DSE: variants seen among roughly 807,000 people sequenced by gnomAD.
The protein encoded by DSE is dermatan-sulfate epimerase.
A neutral mutation model predicts 84.4 loss-of-function variants in DSE; 36 were observed. The ratio of observed to expected loss-of-function variants is 0.43; its 90% CI spans 0.33 to 0.56. The LOEUF is 0.56. Among genes scored for constraint, DSE ranks in the 20% least tolerant of loss-of-function variants. The probability of loss-of-function intolerance (pLI) is 0.06; values close to 1 mark genes in which losing one functional copy is unlikely to be tolerated. For missense variants in DSE, 862 were observed against 1,169.6 expected (o/e 0.74, Z 3.84); for synonymous variants, 410 against 430.1 (o/e 0.95, Z 0.58).
chr6:116,401,818 G>C (rs1458533255), intron 2 of DSE, among the ~76,000 whole-genome samples: 3 of 151,722 alleles, frequency 2.0e-5, no homozygotes, highest in Admixed American at 1.3e-4. Flanking sequence ...AATGAGTATT[G>C]TCATTGACTT....
chr6:116,314,846 G>GT (rs1775875660), intron 2 of DSE, among the ~76,000 whole-genome samples: 1 of 152,168 alleles, frequency 6.6e-6, no homozygotes, highest in Non-Finnish European at 1.5e-5. Flanking sequence ...AGCAAAGTGA[G>GT]TTTCTTTAGC....
chr6:116,396,770 G>T (rs1391655455), intron 1 of DSE, among the ~76,000 whole-genome samples: 1 of 152,204 alleles, frequency 6.6e-6, no homozygotes, highest in Non-Finnish European at 1.5e-5. Flanking sequence ...AGTTAGGCAT[G>T]TAGGCCCCAC....
chr6:116,442,892 G>A lies in DSE; in HGVS notation c.*5547G>A, dbSNP rs1784471213. 1 of 151,334 alleles carries A rather than the reference G, an allele frequency of 6.6e-6. No individual in the cohort carries two copies. Among genetic ancestry groups the A allele is most frequent in the Non-Finnish European group, 1.5e-5 (1 of 67,912 alleles). 9.4% of individuals were successfully genotyped at this position (151,334 alleles called of 1,614,324 possible). A position where few individuals can be genotyped will look rare whatever the true frequency, so the allele number is the denominator to read the frequency against. On this transcript the variant is annotated 3_prime_UTR_variant, in exon 6 of 6. Coordinates refer to ENST00000644252, the MANE Select transcript of DSE (RefSeq NM_013352.4). ...TGATGCCACATATACCTGTGTGTAT[G>A]TGAAACTTTGAAAAATCCCTGAGAT...
intron 2 of DSE, among the ~76,000 whole-genome samples, chr6:116,264,786 T>C (rs1480343085): frequency 6.6e-6 from 1 of 152,182 alleles, no homozygotes; most frequent in African/African-American, 2.4e-5. Flanking sequence ...TGAGCATTTG[T>C]GGTGTAAGGT....
intron 2 of DSE, among the ~76,000 whole-genome samples, chr6:116,364,993 C>T (rs916455685): frequency 1.3e-5 from 2 of 151,790 alleles, no homozygotes; most frequent in South Asian, 2.1e-4. Context: ...CCACCATGCC[C>T]GGCTAATTTT....
intron 2 of DSE, among the ~76,000 whole-genome samples, chr6:116,407,700 T>C (rs998766793): frequency 1.3e-5 from 2 of 152,196 alleles, no homozygotes; most frequent in Admixed American, 6.5e-5. Context: ...ACGAATGCAT[T>C]TTGCTATTGG....
intron 2 of DSE, among the ~76,000 whole-genome samples, chr6:116,294,677 T>C (rs1018750766): frequency 1.1e-4 from 17 of 152,134 alleles, no homozygotes; most frequent in African/African-American, 4.1e-4. Flanking sequence ...TGCAAGTGGG[T>C]ACCTGAATCA....
At position 116,396,216 on chromosome 6, in the gene DSE, A is replaced by T. The variant is rs141590063; in HGVS notation, c.-53-2982A>T. 4.5e-3 allele frequency among the ~76,000 whole-genome samples: 679 copies of T among 152,316 alleles called. 21 individuals carry two copies. Among genetic ancestry groups the T allele is most frequent in the South Asian group, 0.042 (205 of 4,828 alleles). ...GATTCAGTGCTAAGCTCCATGATAC[A>T]TAGAGGAAGAAGGTTCTCACCTTCT... On this transcript the variant is annotated intron_variant, in intron 1 of 5. Coordinates refer to ENST00000644252, the MANE Select transcript of DSE (RefSeq NM_013352.4).
Position 116,300,247 on chromosome 6 carries a change from G to T in DSE, c.-54+41280G>T, listed in dbSNP as rs183005566. 2.6e-5 allele frequency among the ~76,000 whole-genome samples: 4 copies of T among 152,296 alleles called. No homozygotes were observed. In the East Asian group the frequency reaches 7.7e-4, roughly 29 times the overall value. On this transcript the variant is annotated intron_variant, in intron 2 of 3. Transcript: ENST00000430252. ...GAATAATAGGAACTAACAGAGTCATGTCCGAATAGTAAGTTTCAAATAGTA... is the reference window on the plus strand; with the variant it reads ...GAATAATAGGAACTAACAGAGTCATTTCCGAATAGTAAGTTTCAAATAGTA...
intron 2 of DSE, among the ~76,000 whole-genome samples, chr6:116,334,716 G>T (rs1335718214): frequency 6.6e-6 from 1 of 151,854 alleles, no homozygotes; most frequent in Non-Finnish European, 1.5e-5. Flanking sequence ...CAAGAAAAAA[G>T]AAACCATTAA....
intron 1 of DSE, among the ~76,000 whole-genome samples, chr6:116,373,086 G>C (rs1452843499): frequency 1.3e-5 from 2 of 151,828 alleles, no homozygotes; most frequent in Non-Finnish European, 2.9e-5. Flanking sequence ...TGGGTGCGGT[G>C]GCTCACGCCT....
rs573467261 is a variant in DSE, at chr6:116,436,931, T to G, written c.2463T>G (p.Ala821=). The change falls in exon 6 of 6, where the codon GCT becomes GCG. Residue 821 remains alanine (A), a synonymous_variant. Transcript: ENST00000644252. ...RAGKRYKFVD[A]VPDIFAQIEV... ...GCAAACGCTATAAATTTGTGGATGC[T>G]GTCCCTGATATTTTTGCACAGATTG... 2.0e-5 allele frequency: 32 copies of G among 1,614,118 alleles called. No individual in the cohort carries two copies. The South Asian group carries it at 3.1e-4, about 16-fold the overall frequency.
At chr6:116,352,242 C>T (rs562562433) in intron 2 of DSE, among the ~76,000 whole-genome samples, 1 of 152,278 alleles carries the variant, frequency 6.6e-6, no homozygotes, top group Non-Finnish European at 1.5e-5. Context: ...GTGAGCTAGT[C>T]AACTATTATC....
At chr6:116,363,151 G>T (rs1471259242) in intron 2 of DSE, among the ~76,000 whole-genome samples, 1 of 152,060 alleles carries the variant, frequency 6.6e-6, no homozygotes, top group Admixed American at 6.5e-5. Context: ...ATCCAAGATT[G>T]TTGTATCCTA....
chr6:116,382,511 C>T (rs1780299112), intron 1 of DSE, among the ~76,000 whole-genome samples: 1 of 152,122 alleles, frequency 6.6e-6, no homozygotes, highest in Non-Finnish European at 1.5e-5. Flanking sequence ...TTCCTTCTTT[C>T]CAGCATGACA....
intron 2 of DSE, among the ~76,000 whole-genome samples, chr6:116,357,809 C>T (rs1321048841): frequency 2.0e-5 from 3 of 152,018 alleles, no homozygotes; most frequent in East Asian, 3.9e-4. Flanking sequence ...TATTAAAATC[C>T]GCGTGCGCAC....
chr6:116,433,259 T>C, intron 4 of DSE, 84 bp from the exon 5 acceptor site: 1 of 1,323,976 alleles, frequency 7.6e-7, no homozygotes. Context: ...AATTTGCAAC[T>C]AGATTTGAAA....
chr6:116,363,489 A>T (rs1232372079), intron 2 of DSE, among the ~76,000 whole-genome samples: 1 of 152,198 alleles, frequency 6.6e-6, no homozygotes, highest in African/African-American at 2.4e-5. Context: ...GCCTTCTTGT[A>T]TAATAACAGG....
At chr6:116,410,485 G>A (rs1459517462) in intron 2 of DSE, among the ~76,000 whole-genome samples, 1 of 152,152 alleles carries the variant, frequency 6.6e-6, no homozygotes, top group Admixed American at 6.5e-5. Context: ...TGTAATCTCA[G>A]CACTTTGGTA....
Sources: allele counts gnomAD v4.1 joint callset (sites outside exome capture counted in the v4.1 genomes callset), GRCh38; gene constraint gnomAD v4.1.1; transcripts MANE v1.5; gene names NCBI Gene and HGNC (gene_info 2026-07-23, HGNC 2026-07-21).